MIB1: variants seen among roughly 807,000 people sequenced by gnomAD.
MIB1 encodes the protein MIB E3 ubiquitin protein ligase 1, also known as E3 ubiquitin-protein ligase MIB1.
MIB1 carries 278 observed loss-of-function variants against 124.5 expected under a neutral mutation model. That is an observed-to-expected ratio of 2.23 (90% CI 2.02 to 2.47). The LOEUF is 2.47. MIB1 is among the 30% of genes most tolerant of loss of function. The pLI, the probability that MIB1 is intolerant of heterozygous loss-of-function variation, is 0.00. For missense variants in MIB1, 957 were observed against 1,254.4 expected (o/e 0.76, Z 3.58); for synonymous variants, 446 against 429.4 (o/e 1.04, Z -0.48).
In MIB1 at chr18:21,869,774, T is replaced by C. The variant is rs2042343184; in HGVS notation, c.*5108T>C. On this transcript the variant is annotated 3_prime_UTR_variant, in exon 21 of 21. Coordinates refer to ENST00000261537, the MANE Select transcript of MIB1 (RefSeq NM_020774.4). Reference sequence around the variant, plus strand: ...GAGGATCTGTTTGGGAAACATAGATTGTCTTCCCCTCAAATGAGGGGAAAA... The same window carrying C: ...GAGGATCTGTTTGGGAAACATAGATCGTCTTCCCCTCAAATGAGGGGAAAA... 1 of 126,988 alleles carries C rather than the reference T, an allele frequency of 7.9e-6. No homozygotes were observed. Among genetic ancestry groups the C allele is most frequent in the African/African-American group, 2.9e-5 (1 of 34,220 alleles). 7.9% of individuals were successfully genotyped at this position (126,988 alleles called of 1,614,324 possible). A position where few individuals can be genotyped will look rare whatever the true frequency, so the allele number is the denominator to read the frequency against.
chr18:21,834,306 AT>A (rs796375627), intron 12 of MIB1, among the ~76,000 whole-genome samples: 5 of 151,254 alleles, frequency 3.3e-5, no homozygotes, highest in East Asian at 3.9e-4. Flanking sequence ...CTGTATTATT[AT>A]TTTTTTTTGA....
intron 13 of MIB1, among the ~76,000 whole-genome samples, chr18:21,840,627 GTATATA>G (rs57360671): frequency 2.7e-4 from 30 of 110,578 alleles, no homozygotes; most frequent in African/African-American, 1.1e-3. Flanking sequence ...CATCTCTACT[GTATATA>G]TATATATATA....
chr18:21,768,662 A>C lies in MIB1; in HGVS notation c.441A>C (p.Thr147=), dbSNP rs1445082839. Residue 147 remains threonine (T), a synonymous_variant, in exon 3 of 21, where the codon ACA becomes ACC. Transcript: ENST00000261537. The part of the protein sequence containing the change: ...LESRRKSKKI[T]ARGIFAGARV... ...CTCGTAGGAAATCTAAGAAGATTACAGCCAGAGGAATCTTTGCAGGTGCCA... is the reference window on the plus strand; with the variant it reads ...CTCGTAGGAAATCTAAGAAGATTACCGCCAGAGGAATCTTTGCAGGTGCCA... 1.3e-6 allele frequency: 2 copies of C among 1,599,036 alleles called. No homozygotes were observed. Among genetic ancestry groups the C allele is most frequent in the African/African-American group, 2.7e-5 (2 of 74,772 alleles).
At chr18:21,827,222 A>G (rs1349529376) in intron 12 of MIB1, 1 of 152,144 alleles carries the variant, frequency 6.6e-6, no homozygotes, top group African/African-American at 2.4e-5. Context: ...TCAGTTAAAA[A>G]TGAACAGCTG....
chr18:21,736,367 A>C (rs1022441316), upstream of MIB1, among the ~76,000 whole-genome samples: 3 of 152,232 alleles, frequency 2.0e-5, no homozygotes, highest in African/African-American at 7.2e-5. Flanking sequence ...AAGGTCACCA[A>C]CATCAAAGAC....
chr18:21,782,132 A>ATTG (rs1369216591), intron 6 of MIB1, among the ~76,000 whole-genome samples: 1 of 151,512 alleles, frequency 6.6e-6, no homozygotes, highest in African/African-American at 2.4e-5. Context: ...TATTATTATT[A>ATTG]TTTTTTTGAG....
intron 1 of MIB1, among the ~76,000 whole-genome samples, chr18:21,710,196 C>A (rs756286118): frequency 6.6e-6 from 1 of 151,754 alleles, no homozygotes; most frequent in Admixed American, 6.6e-5. Context: ...TCTTTGCACA[C>A]TGCAACCTCC....
chr18:21,742,248 C>A (rs1211018020), intron 1 of MIB1, among the ~76,000 whole-genome samples: 2 of 150,956 alleles, frequency 1.3e-5, no homozygotes, highest in Non-Finnish European at 2.9e-5. Flanking sequence ...TGCCAAGGGG[C>A]CTTGGTACCT....
At chr18:21,750,073 A>C (rs2040956975) in intron 1 of MIB1, among the ~76,000 whole-genome samples, 2 of 152,030 alleles carry the variant, frequency 1.3e-5, no homozygotes, top group South Asian at 4.1e-4. Flanking sequence ...TTGAAAAATT[A>C]GGTTTTTTTT....
At chr18:21,819,754 A>G in intron 12 of MIB1, 108 bp downstream of exon 12, 1 of 732,122 alleles carries the variant, frequency 1.4e-6, no homozygotes, top group South Asian at 4.6e-5. Flanking sequence ...TTAGTATTTT[A>G]AATCATTTTA....
rs192023814 is a variant in MIB1 at position 21,763,511 on chromosome 18, T to C, written c.230-2261T>C. On this transcript the variant is annotated intron_variant, in intron 1 of 20. Transcript: ENST00000261537. Reference sequence around the variant, plus strand: ...ACTTTTCCTGATTTTTTTTCCTGTTTAGTTTCTAAGGCGAGTTTCTATCAA... The same window carrying C: ...ACTTTTCCTGATTTTTTTTCCTGTTCAGTTTCTAAGGCGAGTTTCTATCAA... Among the ~76,000 whole-genome samples the C allele has an allele frequency of 3.0e-3, 454 of 152,328 alleles. 2 individuals carry two copies. The highest frequency in any genetic ancestry group is 0.01 in the African/African-American group (430 of 41,570).
At chr18:21,771,093 A>G (rs1264082610) in intron 3 of MIB1, among the ~76,000 whole-genome samples, 2 of 152,218 alleles carry the variant, frequency 1.3e-5, no homozygotes, top group Admixed American at 6.5e-5. Flanking sequence ...AAGATTGATG[A>G]ACAGGTGCAA....
intron 9 of MIB1, among the ~76,000 whole-genome samples, chr18:21,802,771 G>A (rs1215410688): frequency 6.6e-6 from 1 of 152,214 alleles, no homozygotes; most frequent in Admixed American, 6.5e-5. Context: ...CAAGCTGATT[G>A]ATAGCTCTCC....
intron 1 of MIB1, among the ~76,000 whole-genome samples, chr18:21,731,364 G>T (rs1185583273): frequency 6.6e-6 from 1 of 152,080 alleles, no homozygotes; most frequent in Non-Finnish European, 1.5e-5. Flanking sequence ...TTATTCTATT[G>T]TATGACTATA....
chr18:21,781,182 G>A (rs980225640), intron 6 of MIB1, among the ~76,000 whole-genome samples: 2 of 151,432 alleles, frequency 1.3e-5, no homozygotes, highest in African/African-American at 2.4e-5. Flanking sequence ...CTCCCAAAGT[G>A]CTGGGGGCTT....
At chr18:21,772,128 T>C (rs2041230524) in intron 3 of MIB1, among the ~76,000 whole-genome samples, 2 of 152,230 alleles carry the variant, frequency 1.3e-5, no homozygotes, top group Admixed American at 6.5e-5. Flanking sequence ...CCTTTTTATT[T>C]CCACAAATAT....
At position 21,866,977 on chromosome 18, in the gene MIB1, C is replaced by G. The variant is rs1173776200; in HGVS notation, c.*2311C>G. 2 of 152,556 alleles carry G rather than the reference C, an allele frequency of 1.3e-5. No individual in the cohort carries two copies. Among genetic ancestry groups the G allele is most frequent in the Non-Finnish European group, 2.9e-5 (2 of 68,034 alleles). The allele number at this position is 152,556 out of a possible 1,614,324, so 9.5% of individuals were successfully genotyped here. A position where few individuals can be genotyped will look rare whatever the true frequency, so the allele number is the denominator to read the frequency against. On this transcript the variant is annotated 3_prime_UTR_variant, in exon 21 of 21. Transcript: ENST00000261537. ...ACTTTCCTCCAACTCTCTGAATCTG[C>G]TACCTCTTATTATATGTCCCTTAGC...
chr18:21,769,169 A>G (rs571363601), intron 3 of MIB1, among the ~76,000 whole-genome samples: 53 of 152,218 alleles, frequency 3.5e-4, no homozygotes, highest in Non-Finnish European at 6.6e-4. Context: ...TATCGAGCCC[A>G]CCTACCTCTG....
At chr18:21,812,219 A>T (rs576092473) in intron 10 of MIB1, among the ~76,000 whole-genome samples, 1 of 152,202 alleles carries the variant, frequency 6.6e-6, no homozygotes, top group African/African-American at 2.4e-5. Flanking sequence ...AGGGAGTAGC[A>T]TATGAAAATG....
Sources: gnomAD v4.1 joint callset for allele counts (sites outside exome capture counted in the v4.1 genomes callset) on GRCh38, gnomAD v4.1.1 for gene constraint, MANE v1.5 for transcripts, NCBI Gene and HGNC (gene_info 2026-07-23, HGNC 2026-07-21) for gene names.